Variants in CCNG2 observed in about 807,000 individuals in gnomAD.
CCNG2 encodes cyclin-G2.
A neutral mutation model predicts 36.5 loss-of-function variants in CCNG2; 20 were observed. The observed-to-expected ratio is 0.55, with a 90% CI of 0.39 to 0.80. CCNG2 has a LOEUF of 0.80. Ranked by LOEUF, CCNG2 falls within the 30% of genes least tolerant of loss-of-function variation. The probability of loss-of-function intolerance (pLI) is 0.00; values close to 1 mark genes in which losing one functional copy is unlikely to be tolerated. For synonymous variants in CCNG2, 155 were observed against 140.1 expected (o/e 1.11, Z -0.75); for missense variants, 358 against 390.8 (o/e 0.92, Z 0.71).
Position 77,164,319 on chromosome 4 carries a change from T to C in CCNG2, c.751T>C (p.Cys251Arg). 6.2e-7 allele frequency: 1 copy of C among 1,614,138 alleles called. No homozygotes were observed. The highest frequency in any genetic ancestry group is 8.5e-7 in the Non-Finnish European group (1 of 1,180,000). ...FFYWRELVSK[C>R]LAEYSSPECC... ...CTACTGGAGAGAGTTGGTTTCTAAA[T>C]GCCTAGCCGAGTATTCTTCTCCTGA... Residue 251 changes from cysteine to arginine, a missense_variant, in exon 7 of 8, where the codon TGC (cysteine) becomes CGC (arginine). Transcript: ENST00000316355.
At chr4:77,159,224 C>CT in intron 2 of CCNG2, 143 bp from the exon 3 acceptor site, 1 of 671,452 alleles carries the variant, frequency 1.5e-6, no homozygotes, top group Non-Finnish European at 2.5e-6. Flanking sequence ...CGATACCACT[C>CT]TTTCCACCTA....
Position 77,165,930 on chromosome 4 carries a change from T to A in CCNG2, c.*6T>A. ...CACTGTGCTTTCCATCTTAGAAATC[T>A]GATTGTTCTGTCAGAATTTATATTT... is the stretch of plus-strand genomic sequence containing the variant. On this transcript the variant is annotated 3_prime_UTR_variant, in exon 8 of 8. Coordinates refer to ENST00000316355, the MANE Select transcript of CCNG2 (RefSeq NM_004354.3). The A allele has an allele frequency of 6.3e-7, 1 of 1,591,978 alleles. No individual in the cohort carries two copies. The highest frequency in any genetic ancestry group is 8.5e-7 in the Non-Finnish European group (1 of 1,173,536).
intron 2 of CCNG2, 49 bp from the exon 3 acceptor site, chr4:77,159,318 A>C: frequency 6.4e-7 from 1 of 1,560,692 alleles, no homozygotes; most frequent in South Asian, 1.2e-5. Flanking sequence ...TGTGTTTTTC[A>C]TCTGGTTCTA....
In CCNG2 at chr4:77,167,047, T is replaced by G. The variant is rs1254206542; in HGVS notation, c.*1123T>G. 1 of 152,212 alleles carries G rather than the reference T, an allele frequency of 6.6e-6. No homozygotes were observed. The highest frequency in any genetic ancestry group is 1.5e-5 in the Non-Finnish European group (1 of 68,030). The allele number at this position is 152,212 out of a possible 1,614,324, so 9.4% of individuals were successfully genotyped here. A position where few individuals can be genotyped will look rare whatever the true frequency, so the allele number is the denominator to read the frequency against. ...TTTTACCTTGTGTGTGATAGTCTAG[T>G]CATTGCATGTAAATATAATTTATTA... On this transcript the variant is annotated 3_prime_UTR_variant, in exon 8 of 8. Transcript: ENST00000316355.
chr4:77,161,754 A>G lies in CCNG2; in HGVS notation c.705+7A>G. The stretch of plus-strand genomic sequence containing the variant: ...AGTTAAAAAACATTCCAAGGTAATT[A>G]CAGTCATTATTCTTTAAGGCAAATT... On this transcript the variant is annotated splice_region_variant and intron_variant, in intron 6 of 7. Transcript: ENST00000316355. 6.4e-7 allele frequency: 1 copy of G among 1,559,302 alleles called. No homozygotes were observed.
rs1409206847 is a variant in CCNG2, at chr4:77,167,609, G to A, written c.*1685G>A. ...CTGTGATAGGGCCCCGCCAGCTTCTGGCTCTTGTGGACCTCAAAAGTATCA... is the reference window on the plus strand; with the variant it reads ...CTGTGATAGGGCCCCGCCAGCTTCTAGCTCTTGTGGACCTCAAAAGTATCA... On this transcript the variant is annotated 3_prime_UTR_variant, in exon 8 of 8. Coordinates refer to ENST00000316355, the MANE Select transcript of CCNG2 (RefSeq NM_004354.3). 1 of 152,216 alleles carries A rather than the reference G, an allele frequency of 6.6e-6. No individual in the cohort carries two copies. The highest frequency in any genetic ancestry group is 1.5e-5 in the Non-Finnish European group (1 of 68,048). 9.4% of individuals were successfully genotyped at this position (152,216 alleles called of 1,614,324 possible). A position where few individuals can be genotyped will look rare whatever the true frequency, so the allele number is the denominator to read the frequency against.
At position 77,161,062 on chromosome 4, in the gene CCNG2, C is replaced by G. The variant is rs895046719; in HGVS notation, c.527+91C>G. 5 of 844,418 alleles carry G rather than the reference C, an allele frequency of 5.9e-6. No individual in the cohort carries two copies. The African/African-American group carries it at 9.2e-5, about 16-fold the overall frequency. 52.3% of individuals were successfully genotyped at this position (844,418 alleles called of 1,614,324 possible). On this transcript the variant is annotated intron_variant, in intron 4 of 7. Coordinates refer to ENST00000316355, the MANE Select transcript of CCNG2 (RefSeq NM_004354.3). Reference sequence around the variant, plus strand: ...ATGGCAATGAAATTTATATTTTTACCTTCTTCAAACTTTCAACTTTGACTT... The same window carrying G: ...ATGGCAATGAAATTTATATTTTTACGTTCTTCAAACTTTCAACTTTGACTT...
intron 1 of CCNG2, 62 bp from the exon 2 acceptor site, chr4:77,158,471 C>T (rs1470171357): frequency 1.3e-6 from 2 of 1,575,990 alleles, no homozygotes; most frequent in African/African-American, 2.7e-5. Context: ...TCAGCCCTTT[C>T]TCCCGCTTCC....
At chr4:77,160,312 AT>A (rs1409735571) in intron 3 of CCNG2, among the ~76,000 whole-genome samples, 3 of 151,936 alleles carry the variant, frequency 2.0e-5, no homozygotes, top group Admixed American at 6.6e-5. Context: ...CTGCATGGAA[AT>A]TTTTGTACCT....
In CCNG2 at chr4:77,167,751, T is replaced by C. The variant is rs1157716654; in HGVS notation, c.*1827T>C. On this transcript the variant is annotated 3_prime_UTR_variant, in exon 8 of 8. Transcript: ENST00000316355. Reference sequence around the variant, plus strand: ...TAGTTAGAAAATCAGGTACACTGAATATGGTTTTCATGTAACACCTCTTCT... The same window carrying C: ...TAGTTAGAAAATCAGGTACACTGAACATGGTTTTCATGTAACACCTCTTCT... The C allele has an allele frequency of 2.6e-5, 4 of 152,118 alleles. No individual in the cohort carries two copies. Among genetic ancestry groups the C allele is most frequent in the African/African-American group, 9.7e-5 (4 of 41,430 alleles). 9.4% of individuals were successfully genotyped at this position (152,118 alleles called of 1,614,324 possible). A position where few individuals can be genotyped will look rare whatever the true frequency, so the allele number is the denominator to read the frequency against.
Position 77,165,903 on chromosome 4 carries a change from AAC to A in CCNG2, c.1017_1018del (p.Leu340ValfsTer8). On this transcript the variant is annotated frameshift_variant, in exon 8 of 8. Transcript: ENST00000316355. LOFTEE classifies it high-confidence loss of function. ...TCTTTTTCAACTTCAAAGTGGCACA[AAC>A]ACTGTGCTTTCCATCTTAGAAATCT... Reference protein sequence around the residue: ...TFFFNFKVAQTLCFPS With the variant: ...TFFFNFKVAQXLCFPS 1 of 1,607,456 alleles carries A rather than the reference AAC, an allele frequency of 6.2e-7. No individual in the cohort carries two copies. The highest frequency in any genetic ancestry group is 8.5e-7 in the Non-Finnish European group (1 of 1,178,160).
chr4:77,158,495 C>T (rs533534756), intron 1 of CCNG2, 38 bp from the exon 2 acceptor site: 8 of 1,612,378 alleles, frequency 5.0e-6, no homozygotes, highest in Admixed American at 1.7e-5. Context: ...CCCCTCTTAC[C>T]CCCAGATTAC....
At chr4:77,165,671 G>T (rs1370917213) in intron 7 of CCNG2, 130 bp from the exon 8 acceptor site, 4 of 677,294 alleles carry the variant, frequency 5.9e-6, no homozygotes, top group Non-Finnish European at 9.1e-6. Context: ...TATAAATTTT[G>T]TCTCTGTAAA....
In CCNG2 at chr4:77,164,287, A is replaced by T; in HGVS notation, c.719A>T (p.Glu240Val). 8.7e-6 allele frequency: 14 copies of T among 1,613,050 alleles called. No homozygotes were observed. Among genetic ancestry groups the T allele is most frequent in the Non-Finnish European group, 1.2e-5 (14 of 1,179,178 alleles). Reference sequence around the variant, plus strand: ...TTTTTTTTTCAGATTAATGACACTGAGTTCTTCTACTGGAGAGAGTTGGTT... The same window carrying T: ...TTTTTTTTTCAGATTAATGACACTGTGTTCTTCTACTGGAGAGAGTTGGTT... The part of the protein sequence containing the change: ...VKKHSKINDT[E>V]FFYWRELVSK... The change falls in exon 7 of 8, where the codon GAG (glutamate) becomes GTG (valine). Residue 240 changes from glutamate to valine, a missense_variant. Transcript: ENST00000316355.
intron 1 of CCNG2, among the ~76,000 whole-genome samples, chr4:77,157,756 C>G (rs915669821): frequency 3.3e-5 from 5 of 152,164 alleles, no homozygotes; most frequent in Non-Finnish European, 5.9e-5. Flanking sequence ...CCCCCGCCCC[C>G]GCTCGTGTTG....
intron 2 of CCNG2, among the ~76,000 whole-genome samples, 168 bp from the exon 3 acceptor site, chr4:77,159,199 A>G (rs932499923): frequency 6.6e-6 from 1 of 152,234 alleles, no homozygotes; most frequent in African/African-American, 2.4e-5. Flanking sequence ...GATAAAGTGT[A>G]TAGCTTTAGT....
chr4:77,163,168 TAAG>T lies in CCNG2; in HGVS notation c.706-1102_706-1100del, dbSNP rs1731532423. 2.6e-5 allele frequency among the ~76,000 whole-genome samples: 4 copies of T among 152,204 alleles called. No homozygotes were observed. The South Asian group carries it at 8.3e-4, about 32-fold the overall frequency. On this transcript the variant is annotated intron_variant, in intron 6 of 7. Transcript: ENST00000316355. ...CATGAAGAAGCAGTAGTTGAAACGG[TAAG>T]AAGCTGTGGAATCCTTTTTGTAGGG...
chr4:77,158,268 T>G (rs911599037), intron 1 of CCNG2: 4 of 451,222 alleles, frequency 8.9e-6, no homozygotes, highest in Non-Finnish European at 1.6e-5. Context: ...GTTTCCTGTT[T>G]GTGAAACGCC....
intron 2 of CCNG2, 143 bp from the exon 3 acceptor site, chr4:77,159,224 C>T (rs752353515): frequency 6.0e-6 from 4 of 671,452 alleles, no homozygotes; most frequent in Non-Finnish European, 9.9e-6. Context: ...CGATACCACT[C>T]TTTCCACCTA....
Sources: allele counts gnomAD v4.1 joint callset (sites outside exome capture counted in the v4.1 genomes callset), GRCh38; gene constraint gnomAD v4.1.1; transcripts MANE v1.5; gene names NCBI Gene and HGNC (gene_info 2026-07-23, HGNC 2026-07-21).